Variants in FRMD4A observed in about 807,000 individuals in gnomAD.
The protein encoded by FRMD4A is FERM domain-containing protein 4A.
Under a neutral mutation model 129.1 loss-of-function variants are expected in FRMD4A, and 29 were observed. The ratio of observed to expected loss-of-function variants is 0.22; its 90% CI spans 0.17 to 0.31. The LOEUF (loss-of-function observed/expected upper bound fraction) is 0.31, where lower values mean the gene tolerates loss of function less well. FRMD4A is among the 10% of genes least tolerant of loss of function. The pLI is 1.00. For missense variants in FRMD4A, 1,272 were observed against 1,375.8 expected (o/e 0.92, Z 1.19); for synonymous variants, 634 against 571.6 (o/e 1.11, Z -1.56).
chr10:13,824,810 G>T (rs549407292), intron 3 of FRMD4A, among the ~76,000 whole-genome samples: 1 of 149,616 alleles, frequency 6.7e-6, no homozygotes, highest in Non-Finnish European at 1.5e-5. Flanking sequence ...CAGGAGAATC[G>T]CTTGAACCCG....
intron 2 of FRMD4A, among the ~76,000 whole-genome samples, chr10:14,256,842 TA>T (rs1179588433): frequency 1.1e-4 from 17 of 151,596 alleles, no homozygotes; most frequent in African/African-American, 3.9e-4. Flanking sequence ...AAAATAAAAA[TA>T]AAAAATAAAT....
chr10:13,880,780 C>T (rs570796934), intron 2 of FRMD4A, among the ~76,000 whole-genome samples: 2 of 152,170 alleles, frequency 1.3e-5, no homozygotes, highest in African/African-American at 4.8e-5. Flanking sequence ...ATCACCTTTC[C>T]CGAGGTCTAC....
intron 2 of FRMD4A, among the ~76,000 whole-genome samples, chr10:14,182,415 C>T (rs998206217): frequency 6.6e-6 from 1 of 152,156 alleles, no homozygotes; most frequent in African/African-American, 2.4e-5. Context: ...GGCAAGGTGG[C>T]ACATGCCTAT....
intron 2 of FRMD4A, among the ~76,000 whole-genome samples, chr10:14,171,871 G>A (rs951637531): frequency 1.3e-5 from 2 of 152,096 alleles, no homozygotes; most frequent in Admixed American, 1.3e-4. Context: ...CTCACCAAAG[G>A]GAGAAAATAT....
At chr10:14,028,911 T>C (rs557191591) in intron 2 of FRMD4A, among the ~76,000 whole-genome samples, 1 of 152,314 alleles carries the variant, frequency 6.6e-6, no homozygotes, top group Admixed American at 6.5e-5. Flanking sequence ...CTACTATTTA[T>C]AGACATTTCT....
At chr10:13,984,051 G>T (rs1434191236) in intron 2 of FRMD4A, among the ~76,000 whole-genome samples, 2 of 151,992 alleles carry the variant, frequency 1.3e-5, no homozygotes, top group Non-Finnish European at 2.9e-5. Flanking sequence ...CTGGAACTAG[G>T]GGTCTCGGTA....
rs34812449 is a variant in FRMD4A, at chr10:13,760,870, C to CTT, written c.464+775_464+776dup. Among the ~76,000 whole-genome samples, 116 of 144,140 alleles carry CTT rather than the reference C, an allele frequency of 8.0e-4. 1 individual carries two copies. Among genetic ancestry groups the CTT allele is most frequent in the Admixed American group, 3.0e-3 (44 of 14,490 alleles). 94.6% of individuals were successfully genotyped at this position (144,140 alleles called of 152,430 possible). ...ATTCTCCAGAATGGGCTACCCTGGC[C>CTT]TTTTTTTTTTTTTTCAGAGGAGCTT... On this transcript the variant is annotated intron_variant, in intron 8 of 24. Coordinates refer to ENST00000357447, the MANE Select transcript of FRMD4A (RefSeq NM_018027.5).
At chr10:13,689,549 C>CTTTTTTTTT (rs34800095) in intron 15 of FRMD4A, among the ~76,000 whole-genome samples, 1 of 128,632 alleles carries the variant, frequency 7.8e-6, no homozygotes, top group African/African-American at 3.1e-5. Context: ...TTAGAAGATT[C>CTTTTTTTTT]TTTTTTTTTT....
intron 2 of FRMD4A, among the ~76,000 whole-genome samples, chr10:13,988,372 G>A (rs1415847792): frequency 1.3e-5 from 2 of 152,192 alleles, no homozygotes; most frequent in Non-Finnish European, 1.5e-5. Context: ...GTATTTTTAA[G>A]TATCCCCAGT....
intron 2 of FRMD4A, among the ~76,000 whole-genome samples, chr10:14,110,125 T>TTAAAAAAAAG (rs372420987): frequency 1.1e-5 from 1 of 89,520 alleles, no homozygotes; most frequent in African/African-American, 4.7e-5. Context: ...CGAGATGCTG[T>TTAAAAAAAAG]AAAAAAAAAA....
intron 22 of FRMD4A, chr10:13,655,140 G>A (rs1226815540): frequency 1.3e-5 from 2 of 152,298 alleles, no homozygotes; most frequent in African/African-American, 4.8e-5. Flanking sequence ...CAGCTGGAAA[G>A]ATTTAGTAGG....
intron 2 of FRMD4A, among the ~76,000 whole-genome samples, chr10:14,263,584 A>T (rs1209176064): frequency 6.6e-6 from 1 of 152,082 alleles, no homozygotes; most frequent in Non-Finnish European, 1.5e-5. Flanking sequence ...CTCCCATCAC[A>T]AACTGACTGT....
chr10:13,738,224 G>A (rs74627542), intron 11 of FRMD4A, among the ~76,000 whole-genome samples: 2,021 of 151,972 alleles, frequency 0.013, 85 homozygotes, highest in South Asian at 0.12. Context: ...CCCTGCTTGC[G>A]CTCTCTCTCT....
At chr10:14,176,179 G>A (rs1199216210) in intron 2 of FRMD4A, among the ~76,000 whole-genome samples, 1 of 152,114 alleles carries the variant, frequency 6.6e-6, no homozygotes, top group East Asian at 1.9e-4. Context: ...TGGAGAATAG[G>A]GTAGACAAAG....
chr10:13,699,889 A>G (rs920019631), intron 14 of FRMD4A, among the ~76,000 whole-genome samples: 15 of 152,190 alleles, frequency 9.9e-5, no homozygotes, highest in African/African-American at 3.6e-4. Flanking sequence ...ACTAGGACCC[A>G]TCACTGCCAG....
intron 2 of FRMD4A, among the ~76,000 whole-genome samples, chr10:13,937,686 T>C (rs1345446769): frequency 2.0e-5 from 3 of 152,014 alleles, no homozygotes; most frequent in East Asian, 3.8e-4. Context: ...TTAATAAAAC[T>C]GAAATGAAAA....
chr10:14,058,480 T>A (rs1038378439), intron 2 of FRMD4A, among the ~76,000 whole-genome samples: 3 of 152,328 alleles, frequency 2.0e-5, no homozygotes, highest in East Asian at 1.9e-4. Context: ...TGATGTTTTT[T>A]AAATAACATC....
At chr10:13,798,413 AAAAT>A (rs1404649837) in intron 4 of FRMD4A, among the ~76,000 whole-genome samples, 1 of 151,130 alleles carries the variant, frequency 6.6e-6, no homozygotes, top group Non-Finnish European at 1.5e-5. Flanking sequence ...GTCTCAAGAA[AAAAT>A]AAATAAATAG....
chr10:13,790,641 A>G (rs946181986), intron 5 of FRMD4A, among the ~76,000 whole-genome samples: 1 of 152,030 alleles, frequency 6.6e-6, no homozygotes, highest in Non-Finnish European at 1.5e-5. Context: ...CAGAAGCCAC[A>G]TGGGAGCAGG....
Sources: allele counts gnomAD v4.1 joint callset (sites outside exome capture counted in the v4.1 genomes callset), GRCh38; gene constraint gnomAD v4.1.1; transcripts MANE v1.5; gene names NCBI Gene and HGNC (gene_info 2026-07-23, HGNC 2026-07-21).